CARMIL1: variants seen among roughly 807,000 people sequenced by gnomAD.
CARMIL1 encodes the protein F-actin-uncapping protein LRRC16A.
Under a neutral mutation model 177.1 loss-of-function variants are expected in CARMIL1, and 90 were observed. That is an observed-to-expected ratio of 0.51 (90% confidence interval 0.43 to 0.61). CARMIL1 has a LOEUF of 0.61. Ranked by LOEUF, CARMIL1 falls within the 20% of genes least tolerant of loss-of-function variation. The pLI is 0.00. For synonymous variants in CARMIL1, 577 were observed against 606.2 expected (o/e 0.95, Z 0.71); for missense variants, 1,380 against 1,667.0 (o/e 0.83, Z 3.00).
chr6:25,608,629 T>C (rs1048873908), intron 35 of CARMIL1, among the ~76,000 whole-genome samples: 5 of 152,228 alleles, frequency 3.3e-5, no homozygotes, highest in African/African-American at 1.2e-4. Context: ...ACCTATGTTT[T>C]TATAGAGCTT....
chr6:25,489,856 C>T (rs1271129132), intron 13 of CARMIL1, among the ~76,000 whole-genome samples: 1 of 152,074 alleles, frequency 6.6e-6, no homozygotes, highest in Admixed American at 6.5e-5. Flanking sequence ...CATAAATCTG[C>T]TCCCCCCCAA....
At chr6:25,288,217 C>T (rs796492591) in intron 2 of CARMIL1, among the ~76,000 whole-genome samples, 5 of 152,126 alleles carry the variant, frequency 3.3e-5, no homozygotes, top group African/African-American at 7.2e-5. Context: ...GAACAGAATA[C>T]GTCTGGAAGC....
chr6:25,482,369 AGT>A (rs1488358600), intron 12 of CARMIL1, 26 bp downstream of exon 12: 1 of 1,133,648 alleles, frequency 8.8e-7, no homozygotes, highest in African/African-American at 1.6e-5. Flanking sequence ...TTTACCTAAG[AGT>A]GTGTCTGAAA....
intron 2 of CARMIL1, among the ~76,000 whole-genome samples, chr6:25,400,103 T>A (rs1410970745): frequency 6.6e-6 from 1 of 152,204 alleles, no homozygotes; most frequent in Non-Finnish European, 1.5e-5. Flanking sequence ...CTGTAGGTAT[T>A]GTCTGACTCA....
At chr6:25,430,935 T>A (rs1359532541) in intron 4 of CARMIL1, among the ~76,000 whole-genome samples, 2 of 152,202 alleles carry the variant, frequency 1.3e-5, no homozygotes, top group Non-Finnish European at 2.9e-5. Context: ...ATTCCCAATA[T>A]TGGTAATTTG....
intron 2 of CARMIL1, among the ~76,000 whole-genome samples, chr6:25,377,626 G>A (rs532851125): frequency 2.6e-5 from 4 of 152,218 alleles, no homozygotes; most frequent in African/African-American, 7.2e-5. Context: ...GAGATTCCTT[G>A]GTCATGAAAA....
chr6:25,618,393 C>G (rs1759461855), intron 36 of CARMIL1, among the ~76,000 whole-genome samples: 1 of 152,152 alleles, frequency 6.6e-6, no homozygotes, highest in Non-Finnish European at 1.5e-5. Context: ...GGTAGCTGTA[C>G]TCTTCCTTCA....
intron 2 of CARMIL1, among the ~76,000 whole-genome samples, chr6:25,370,741 A>G (rs1790322740): frequency 6.6e-6 from 1 of 151,936 alleles, no homozygotes; most frequent in Non-Finnish European, 1.5e-5. Context: ...TTCACTAAAC[A>G]TATTTTTTTT....
chr6:25,459,060 A>AT (rs1304251048), intron 8 of CARMIL1, among the ~76,000 whole-genome samples: 4 of 151,540 alleles, frequency 2.6e-5, no homozygotes, highest in Non-Finnish European at 5.9e-5. Flanking sequence ...TAGTTCATGG[A>AT]TTTTTTTCTG....
intron 26 of CARMIL1, among the ~76,000 whole-genome samples, chr6:25,544,077 C>G (rs1162955928): frequency 1.3e-5 from 2 of 151,952 alleles, no homozygotes; most frequent in Non-Finnish European, 2.9e-5. Context: ...AAAACAGAGA[C>G]TAACAAAATG....
At chr6:25,500,344 G>C (rs534293489) in intron 17 of CARMIL1, 109 bp downstream of exon 17, 48 of 883,922 alleles carry the variant, frequency 5.4e-5, no homozygotes, top group Non-Finnish European at 8.1e-5. Context: ...AAATGAAGCA[G>C]AAAAATAAAT....
chr6:25,573,533 A>G (rs542385393), intron 29 of CARMIL1, among the ~76,000 whole-genome samples: 1 of 149,388 alleles, frequency 6.7e-6, no homozygotes, highest in East Asian at 2.0e-4. Context: ...CAGTGGCCAA[A>G]AGACGCCTCT....
At chr6:25,491,923 G>A in intron 14 of CARMIL1, 25 bp from the exon 15 acceptor site, 2 of 1,607,200 alleles carry the variant, frequency 1.2e-6, no homozygotes, top group South Asian at 2.2e-5. Context: ...TACTTGAAAA[G>A]AAGAGTGCCT....
intron 11 of CARMIL1, among the ~76,000 whole-genome samples, chr6:25,478,666 C>A (rs1037786258): frequency 7.2e-5 from 11 of 151,940 alleles, no homozygotes; most frequent in Admixed American, 5.2e-4. Context: ...CGTGGTGGCA[C>A]GTGCCTGTAG....
chr6:25,418,631 C>T (rs1795571471), intron 2 of CARMIL1, among the ~76,000 whole-genome samples: 1 of 152,082 alleles, frequency 6.6e-6, no homozygotes, highest in African/African-American at 2.4e-5. Context: ...TAGACATCAT[C>T]TGTTGCCCAC....
chr6:25,511,067 A>G (rs924026700), intron 20 of CARMIL1, among the ~76,000 whole-genome samples: 1 of 152,172 alleles, frequency 6.6e-6, no homozygotes, highest in Non-Finnish European at 1.5e-5. Context: ...TTTAGCTAAT[A>G]AACTAATCTT....
chr6:25,343,796 T>C (rs1405014777), intron 2 of CARMIL1, among the ~76,000 whole-genome samples: 1 of 152,102 alleles, frequency 6.6e-6, no homozygotes, highest in East Asian at 1.9e-4. Context: ...CTTGGGTCTC[T>C]CCTGGCAGTA....
rs79744260 is a variant in CARMIL1 at position 25,575,652 on chromosome 6, C to T, written c.2743-5272C>T. On this transcript the variant is annotated intron_variant, in intron 29 of 36. Coordinates refer to ENST00000329474, the MANE Select transcript of CARMIL1 (RefSeq NM_017640.6). Reference sequence around the variant, plus strand: ...TTTTACTTTTTCTCCTTTGATCCAGCAAGGATGTTTTCCTGCTAATTTAAT... The same window carrying T: ...TTTTACTTTTTCTCCTTTGATCCAGTAAGGATGTTTTCCTGCTAATTTAAT... Among the ~76,000 whole-genome samples the T allele has an allele frequency of 1.4e-3, 207 of 152,222 alleles. 1 individual carries two copies. Among genetic ancestry groups the T allele is most frequent in the East Asian group, 0.011 (58 of 5,186 alleles).
intron 2 of CARMIL1, among the ~76,000 whole-genome samples, chr6:25,395,542 T>C (rs1793297230): frequency 6.6e-6 from 1 of 152,190 alleles, no homozygotes; most frequent in Admixed American, 6.5e-5. Context: ...CTGGCAGAAA[T>C]AGAGATAATG....
Sources: gnomAD v4.1 joint callset for allele counts (sites outside exome capture counted in the v4.1 genomes callset) on GRCh38, gnomAD v4.1.1 for gene constraint, MANE v1.5 for transcripts, NCBI Gene and HGNC (gene_info 2026-07-23, HGNC 2026-07-21) for gene names.